The following ANKK1 variants were observed in gnomAD, a reference collection of about 807,000 sequenced individuals.
ANKK1 encodes the protein ankyrin repeat and kinase domain containing 1, also known as ankyrin repeat and protein kinase domain-containing protein 1.
ANKK1 carries 37 observed loss-of-function variants against 37.6 expected under a neutral mutation model. The ratio of observed to expected loss-of-function variants is 0.98; its 90% CI spans 0.76 to 1.29. The LOEUF is 1.29. Ranked by LOEUF, ANKK1 falls within the 50% of genes most tolerant of loss-of-function variation. The probability of loss-of-function intolerance (pLI) is 0.00; values close to 1 mark genes in which losing one functional copy is unlikely to be tolerated. For synonymous variants in ANKK1, 415 were observed against 418.7 expected (o/e 0.99, Z 0.11); for missense variants, 1,019 against 990.6 (o/e 1.03, Z -0.39).
intron 1 of ANKK1, among the ~76,000 whole-genome samples, chr11:113,390,732 T>A: frequency 1.6e-5 from 2 of 125,762 alleles, no homozygotes; most frequent in African/African-American, 3.3e-5. Context: ...TGAGACTTGG[T>A]CTCAAAAAAA....
intron 6 of ANKK1, 47 bp downstream of exon 6, chr11:113,397,389 C>A: frequency 6.6e-7 from 1 of 1,505,146 alleles, no homozygotes; most frequent in Non-Finnish European, 9.1e-7. Flanking sequence ...TAAGCTGGAG[C>A]CCGCTGTGTG....
chr11:113,399,806 G>T lies in ANKK1; in HGVS notation c.1837G>T (p.Ala613Ser). Reference protein sequence around the residue: ...KGHLEIIHLLAESHANMGALG... With the variant: ...KGHLEIIHLLSESHANMGALG... Reference sequence around the variant, plus strand: ...CCACCTGGAGATCATCCATCTGCTGGCAGAGAGCCACGCAAACATGGGTGC... The same window carrying T: ...CCACCTGGAGATCATCCATCTGCTGTCAGAGAGCCACGCAAACATGGGTGC... Residue 613 changes from alanine (A) to serine (S), a missense_variant, in exon 8 of 8, where the codon GCA becomes TCA. Ala to Ser is a moderately conservative substitution (Grantham distance 99). Coordinates refer to ENST00000303941, the MANE Select transcript of ANKK1 (RefSeq NM_178510.2). The T allele has an allele frequency of 1.2e-6, 2 of 1,604,312 alleles. No homozygotes were observed. The highest frequency in any genetic ancestry group is 2.2e-5 in the South Asian group (2 of 89,574).
Position 113,399,002 on chromosome 11 carries a change from G to A in ANKK1, c.1033G>A (p.Asp345Asn), listed in dbSNP as rs139270089. ...NYLKRALQLS[D>N]RKNLVPRDEE... is the part of the protein sequence containing the mutation. ...CCTGAAGCGGGCCCTTCAGCTCTCC[G>A]ACCGTAAGAATTTGGTCCCGAGAGA... The change falls in exon 8 of 8, where the codon GAC (aspartate) becomes AAC (asparagine). Residue 345 changes from aspartate (D) to asparagine (N), a missense_variant. Coordinates refer to ENST00000303941, the MANE Select transcript of ANKK1 (RefSeq NM_178510.2). 988 of 1,594,468 alleles carry A rather than the reference G, an allele frequency of 6.2e-4. 1 individual carries two copies. The highest frequency in any genetic ancestry group is 3.6e-3 in the African/African-American group (267 of 74,490).
At chr11:113,398,063 A>C in intron 7 of ANKK1, 47 bp downstream of exon 7, 1 of 1,551,992 alleles carries the variant, frequency 6.4e-7, no homozygotes. Flanking sequence ...ACAGCAGAGA[A>C]AATGGAGTCA....
chr11:113,395,949 T>C, intron 4 of ANKK1, 118 bp from the exon 5 acceptor site: 1 of 1,187,696 alleles, frequency 8.4e-7, no homozygotes, highest in South Asian at 1.5e-5. Context: ...CACCAAGCAT[T>C]TGTGGAGCCC....
intron 1 of ANKK1, among the ~76,000 whole-genome samples, chr11:113,392,919 G>T (rs1950599164): frequency 6.6e-6 from 1 of 152,282 alleles, no homozygotes; most frequent in East Asian, 1.9e-4. Flanking sequence ...GTGAAAGAGA[G>T]GGAGAAAGGG....
At chr11:113,396,930 A>G (rs1420836927) in intron 5 of ANKK1, among the ~76,000 whole-genome samples, 1 of 152,206 alleles carries the variant, frequency 6.6e-6, no homozygotes, top group Non-Finnish European at 1.5e-5. Flanking sequence ...GAGCTCATCC[A>G]GTCCTTTGGG....
Position 113,400,127 on chromosome 11 carries a change from G to C in ANKK1, c.2158G>C (p.Val720Leu), listed in dbSNP as rs1164975652. 1 of 1,610,552 alleles carries C rather than the reference G, an allele frequency of 6.2e-7. No individual in the cohort carries two copies. The highest frequency in any genetic ancestry group is 8.5e-7 in the Non-Finnish European group (1 of 1,178,578). Residue 720 changes from valine to leucine, a missense_variant, in exon 8 of 8, where the codon GTC (valine) becomes CTC (leucine). Transcript: ENST00000303941. ...VLVEAGAQLD[V>L]QDGVSCTPLQ... ...GGTCGAGGCAGGCGCCCAGCTGGAC[G>C]TCCAGGATGGAGTGAGCTGCACACC...
intron 1 of ANKK1, among the ~76,000 whole-genome samples, chr11:113,390,120 T>C (rs1950576378): frequency 6.6e-6 from 1 of 152,176 alleles, no homozygotes; most frequent in South Asian, 2.1e-4. Context: ...TAAAGCTAAC[T>C]TGATGTCTGG....
chr11:113,393,856 G>A (rs562149590), intron 2 of ANKK1, 81 bp downstream of exon 2: 14 of 1,448,390 alleles, frequency 9.7e-6, no homozygotes, highest in African/African-American at 7.0e-5. Flanking sequence ...CTGCCTGACC[G>A]GCCTGTCAAG....
At position 113,399,497 on chromosome 11, in the gene ANKK1, G is replaced by C; in HGVS notation, c.1528G>C (p.Val510Leu). The C allele has an allele frequency of 1.3e-6, 2 of 1,592,592 alleles. No homozygotes were observed. Among genetic ancestry groups the C allele is most frequent in the Middle Eastern group, 1.7e-4 (1 of 6,036 alleles). The change falls in exon 8 of 8, where the codon GTC (valine) becomes CTC (leucine). Residue 510 changes from valine (V) to leucine (L), a missense_variant. By Grantham distance (32) the Val-to-Leu change is conservative. Transcript: ENST00000303941. The part of the protein sequence containing the change: ...VAAYFGHVSL[V>L]KLLTSQGAEL... The stretch of plus-strand genomic sequence containing the variant: ...CGCCTACTTTGGCCATGTTAGCCTG[G>C]TCAAGCTGCTGACCAGCCAGGGGGC...
chr11:113,396,314 A>G (rs1950639063), intron 5 of ANKK1, 92 bp downstream of exon 5: 7 of 1,481,938 alleles, frequency 4.7e-6, no homozygotes, highest in Admixed American at 2.2e-5. Context: ...ATGCAGAGAG[A>G]CACTTTTGGT....
chr11:113,395,942 C>G (rs1418248475), intron 4 of ANKK1, 125 bp from the exon 5 acceptor site: 27 of 1,115,062 alleles, frequency 2.4e-5, no homozygotes, highest in African/African-American at 7.8e-5. Context: ...GTTTACTCAC[C>G]AAGCATTTGT....
At chr11:113,395,493 T>G (rs1291623324) in intron 4 of ANKK1, 85 bp downstream of exon 4, 1 of 1,448,232 alleles carries the variant, frequency 6.9e-7, no homozygotes, top group African/African-American at 1.4e-5. Context: ...GGACTGAGGG[T>G]TGGGGGGGGT....
chr11:113,396,116 C>A lies in ANKK1; in HGVS notation c.732C>A (p.Pro244=). Residue 244 remains proline (P), a synonymous_variant, in exon 5 of 8, where the codon CCC becomes CCA. Transcript: ENST00000303941. ...IIIRVAAGMR[P]SLQPVSDQWP... is the part of the protein sequence containing the mutation. The stretch of plus-strand genomic sequence containing the variant: ...TCCGAGTGGCGGCAGGCATGCGGCC[C>A]TCCCTACAGCCTGTCTCTGACCAAT... The A allele has an allele frequency of 1.9e-6, 3 of 1,614,050 alleles. No homozygotes were observed. The highest frequency in any genetic ancestry group is 2.5e-6 in the Non-Finnish European group (3 of 1,179,904).
In ANKK1 at chr11:113,400,241, A is replaced by G; in HGVS notation, c.2272A>G (p.Lys758Glu). Residue 758 changes from lysine (K) to glutamate (E), a missense_variant, in exon 8 of 8, where the codon AAG becomes GAG. By Grantham distance (56) the Lys-to-Glu change is moderately conservative (BLOSUM62 1). Coordinates refer to ENST00000303941, the MANE Select transcript of ANKK1 (RefSeq NM_178510.2). ...GTCAGTGGCCACTCTGGGTGGTTCT[A>G]AGCCAGGAGCCGAGATGGAAATTTA... ...EPSVATLGGSKPGAEMEI is the reference protein window; with the variant it reads ...EPSVATLGGSEPGAEMEI 9.7e-6 allele frequency: 15 copies of G among 1,544,036 alleles called. No homozygotes were observed. The highest frequency in any genetic ancestry group is 1.1e-5 in the Non-Finnish European group (13 of 1,142,480).
intron 7 of ANKK1, 42 bp downstream of exon 7, chr11:113,398,058 A>G (rs904697927): frequency 5.8e-6 from 9 of 1,557,266 alleles, no homozygotes; most frequent in Non-Finnish European, 7.8e-6. Context: ...AACTCACAGC[A>G]GAGAAAATGG....
At chr11:113,396,342 CTTTTTT>C in intron 5 of ANKK1, 120 bp downstream of exon 5, 2 of 831,060 alleles carry the variant, frequency 2.4e-6, no homozygotes, top group South Asian at 2.1e-5. Context: ...CCTAGAAGGA[CTTTTTT>C]TTTTTTTTTT....
At position 113,396,125 on chromosome 11, in the gene ANKK1, G is replaced by T; in HGVS notation, c.741G>T (p.Gln247His). 6.2e-7 allele frequency: 1 copy of T among 1,613,996 alleles called. No homozygotes were observed. The highest frequency in any genetic ancestry group is 8.5e-7 in the Non-Finnish European group (1 of 1,179,894). Residue 247 changes from glutamine to histidine, a missense_variant, in exon 5 of 8, where the codon CAG (glutamine) becomes CAT (histidine). Coordinates refer to ENST00000303941, the MANE Select transcript of ANKK1 (RefSeq NM_178510.2). ...CGGCAGGCATGCGGCCCTCCCTACA[G>T]CCTGTCTCTGACCAATGGCCAAGCG... is the stretch of plus-strand genomic sequence containing the variant. The part of the protein sequence containing the change: ...RVAAGMRPSL[Q>H]PVSDQWPSEA...
Sources: allele counts gnomAD v4.1 joint callset (sites outside exome capture counted in the v4.1 genomes callset), GRCh38; gene constraint gnomAD v4.1.1; transcripts MANE v1.5; gene names NCBI Gene and HGNC (gene_info 2026-07-23, HGNC 2026-07-21).